Variants in MSH4 observed in about 807,000 individuals in gnomAD.
MSH4 encodes the protein mutS protein homolog 4.
In MSH4, 106 loss-of-function variants were observed where a neutral mutation model predicts 113.7. That is an observed-to-expected ratio of 0.93 (90% CI 0.80 to 1.10). The LOEUF (loss-of-function observed/expected upper bound fraction) is 1.10. Among genes scored for constraint, MSH4 ranks in the 50% least tolerant of loss-of-function variants. MSH4 has a pLI of 0.00. For missense variants in MSH4, 1,061 were observed against 1,093.7 expected (o/e 0.97, Z 0.42); for synonymous variants, 368 against 380.2 (o/e 0.97, Z 0.37).
At chr1:75,804,603 C>T (rs771264523) in intron 2 of MSH4, among the ~76,000 whole-genome samples, 25 of 146,948 alleles carry the variant, frequency 1.7e-4, no homozygotes, top group Non-Finnish European at 3.0e-4. Context: ...GTCTGCTTTC[C>T]GGGTTCAAGT....
chr1:75,879,090 GCCCTA>G lies in MSH4; in HGVS notation c.1642_1646del (p.Leu548Ter). Reference sequence around the variant, plus strand: ...CATCCAGATGACTACAGATTGTATAGCCCTACCTAGTGATCAACTTCCTTCAGAAT... The same window carrying G: ...CATCCAGATGACTACAGATTGTATAGCCTAGTGATCAACTTCCTTCAGAAT... On this transcript the variant is annotated frameshift_variant, in exon 12 of 20. Transcript: ENST00000263187. LOFTEE classifies it high-confidence loss of function. The G allele has an allele frequency of 6.2e-7, 1 of 1,611,600 alleles. No individual in the cohort carries two copies. Among genetic ancestry groups the G allele is most frequent in the South Asian group, 1.1e-5 (1 of 91,016 alleles).
At chr1:75,860,601 T>C (rs928381501) in intron 8 of MSH4, among the ~76,000 whole-genome samples, 5 of 152,230 alleles carry the variant, frequency 3.3e-5, no homozygotes, top group Non-Finnish European at 7.3e-5. Flanking sequence ...CCCCACTGTC[T>C]TCTGGCTTGT....
intron 2 of MSH4, among the ~76,000 whole-genome samples, chr1:75,804,839 A>G (rs533159041): frequency 6.0e-4 from 89 of 148,834 alleles, no homozygotes; most frequent in African/African-American, 1.6e-3. Context: ...TTTTATTTTT[A>G]TTTGTTTGAG....
intron 7 of MSH4, among the ~76,000 whole-genome samples, chr1:75,822,794 C>A (rs1278914799): frequency 1.4e-5 from 2 of 144,810 alleles, no homozygotes; most frequent in Admixed American, 1.4e-4. Context: ...GTATGCTTTT[C>A]TTTTCCATTT....
chr1:75,816,248 C>T (rs1320252055), intron 5 of MSH4, 125 bp from the exon 6 acceptor site: 4 of 500,288 alleles, frequency 8.0e-6, no homozygotes, highest in Non-Finnish European at 1.3e-5. Context: ...ATATGAAATA[C>T]CTGGTGTACC....
chr1:75,895,308 C>T (rs981082392), intron 17 of MSH4, among the ~76,000 whole-genome samples: 1 of 152,108 alleles, frequency 6.6e-6, no homozygotes. Flanking sequence ...AGGGTATCTC[C>T]GTTCTGTCAT....
intron 8 of MSH4, among the ~76,000 whole-genome samples, chr1:75,854,393 G>C (rs1651270708): frequency 6.6e-6 from 1 of 151,940 alleles, no homozygotes; most frequent in South Asian, 2.1e-4. Flanking sequence ...ACCTCTCTCA[G>C]GCTCAAGCTG....
chr1:75,873,975 C>A (rs1651764792), intron 9 of MSH4, among the ~76,000 whole-genome samples: 1 of 152,120 alleles, frequency 6.6e-6, no homozygotes, highest in Non-Finnish European at 1.5e-5. Context: ...TCTCTGTTTT[C>A]AGCTCTTTGA....
intron 3 of MSH4, among the ~76,000 whole-genome samples, chr1:75,809,733 C>T (rs904621178): frequency 2.7e-5 from 4 of 150,526 alleles, no homozygotes; most frequent in Non-Finnish European, 5.9e-5. Context: ...CTCTGCCTTC[C>T]GGGTTCAAGC....
intron 7 of MSH4, among the ~76,000 whole-genome samples, chr1:75,838,298 C>A (rs922544234): frequency 1.3e-5 from 2 of 152,140 alleles, no homozygotes; most frequent in Admixed American, 6.6e-5. Context: ...CTTCCTCTGA[C>A]TTCTGCTTTT....
At chr1:75,842,074 A>G (rs906363656) in intron 7 of MSH4, among the ~76,000 whole-genome samples, 1 of 152,206 alleles carries the variant, frequency 6.6e-6, no homozygotes, top group African/African-American at 2.4e-5. Flanking sequence ...TGAGACATCA[A>G]TCAAATACAT....
At chr1:75,799,163 C>A (rs1279259264) in intron 1 of MSH4, among the ~76,000 whole-genome samples, 1 of 152,210 alleles carries the variant, frequency 6.6e-6, no homozygotes, top group African/African-American at 2.4e-5. Context: ...GATGCTTGGT[C>A]ACCCACTTAT....
At chr1:75,911,805 A>G (rs1356274898) in intron 19 of MSH4, among the ~76,000 whole-genome samples, 1 of 152,048 alleles carries the variant, frequency 6.6e-6, no homozygotes, top group Non-Finnish European at 1.5e-5. Flanking sequence ...CATTTTTCCT[A>G]TAGTGAAAAG....
chr1:75,907,698 A>C lies in MSH4; in HGVS notation c.2620-4998A>C, dbSNP rs1317484036. Among the ~76,000 whole-genome samples, 876 of 112,158 alleles carry C rather than the reference A, an allele frequency of 7.8e-3. 13 individuals carry two copies. Among genetic ancestry groups the C allele is most frequent in the Middle Eastern group, 0.014 (3 of 218 alleles). The allele number at this position is 112,158 out of a possible 152,430, so 73.6% of individuals were successfully genotyped here. A position where few individuals can be genotyped will look rare whatever the true frequency, so the allele number is the denominator to read the frequency against. On this transcript the variant is annotated intron_variant, in intron 19 of 19. Coordinates refer to ENST00000263187, the MANE Select transcript of MSH4 (RefSeq NM_002440.4). ...TCTCTCTCTCTCTATACATATATAT[A>C]TATATATATATATATATATATGTAT...
chr1:75,876,487 T>C (rs1366507304), intron 9 of MSH4, among the ~76,000 whole-genome samples: 1 of 152,136 alleles, frequency 6.6e-6, no homozygotes, highest in Admixed American at 6.5e-5. Flanking sequence ...CCTCATAGTT[T>C]TCATTAAGCA....
At chr1:75,836,069 A>G (rs1022989293) in intron 7 of MSH4, among the ~76,000 whole-genome samples, 2 of 152,150 alleles carry the variant, frequency 1.3e-5, no homozygotes, top group African/African-American at 2.4e-5. Flanking sequence ...TAGCCCTTAA[A>G]TGACTGTATG....
At chr1:75,870,027 A>G (rs1466900080) in intron 9 of MSH4, among the ~76,000 whole-genome samples, 1 of 152,204 alleles carries the variant, frequency 6.6e-6, no homozygotes, top group African/African-American at 2.4e-5. Flanking sequence ...GTACCCTGCA[A>G]AGGCACAAGG....
Position 75,912,876 on chromosome 1 carries a change from A to T in MSH4, c.2800A>T (p.Thr934Ser). The change falls in exon 20 of 20, where the codon ACT becomes TCT. Residue 934 changes from threonine (T) to serine (S), a missense_variant. Coordinates refer to ENST00000263187, the MANE Select transcript of MSH4 (RefSeq NM_002440.4). ...FPRTEQVPEK[T>S]EE is the part of the protein sequence containing the mutation. ...CAGGACTGAACAAGTTCCAGAAAAG[A>T]CTGAAGAATAATCACAATTCTAATG... 6.6e-7 allele frequency: 1 copy of T among 1,516,416 alleles called. No homozygotes were observed. The highest frequency in any genetic ancestry group is 8.8e-7 in the Non-Finnish European group (1 of 1,133,936). 93.9% of individuals were successfully genotyped at this position (1,516,416 alleles called of 1,614,324 possible). A position where few individuals can be genotyped will look rare whatever the true frequency, so the allele number is the denominator to read the frequency against.
intron 17 of MSH4, among the ~76,000 whole-genome samples, chr1:75,895,672 C>A (rs1033867597): frequency 6.6e-6 from 1 of 151,940 alleles, no homozygotes; most frequent in East Asian, 1.9e-4. Context: ...GTTGACTTCA[C>A]GTCATATTAT....
Sources: gnomAD v4.1 joint callset for allele counts (sites outside exome capture counted in the v4.1 genomes callset) on GRCh38, gnomAD v4.1.1 for gene constraint, MANE v1.5 for transcripts, NCBI Gene and HGNC (gene_info 2026-07-23, HGNC 2026-07-21) for gene names.